GABBR2: variants seen among roughly 807,000 people sequenced by gnomAD.
The protein encoded by GABBR2 is gamma-aminobutyric acid type B receptor subunit 2.
GABBR2 carries 23 observed loss-of-function variants against 105.6 expected under a neutral mutation model. That is an observed-to-expected ratio of 0.22 (90% CI 0.16 to 0.31). The LOEUF (loss-of-function observed/expected upper bound fraction) is 0.31, where lower values mean the gene tolerates loss of function less well. Ranked by LOEUF, GABBR2 falls within the 10% of genes least tolerant of loss-of-function variation. GABBR2 has a pLI of 1.00. For missense variants in GABBR2, 734 were observed against 1,245.5 expected (o/e 0.59, Z 6.18); for synonymous variants, 478 against 499.7 (o/e 0.96, Z 0.58).
At chr9:98,667,074 C>T (rs180909203) in intron 1 of GABBR2, among the ~76,000 whole-genome samples, 97 of 152,260 alleles carry the variant, frequency 6.4e-4, no homozygotes, top group Admixed American at 2.8e-3. Context: ...GGACCAGGGG[C>T]TCAGGGTCCT....
At chr9:98,693,759 C>T (rs958672148) in intron 1 of GABBR2, among the ~76,000 whole-genome samples, 7 of 152,370 alleles carry the variant, frequency 4.6e-5, no homozygotes, top group Admixed American at 4.6e-4. Context: ...CATATGAAAG[C>T]AGCCATGCAG....
chr9:98,565,479 G>A (rs539066418), intron 2 of GABBR2, among the ~76,000 whole-genome samples: 1 of 152,266 alleles, frequency 6.6e-6, no homozygotes, highest in South Asian at 2.1e-4. Flanking sequence ...AGGTTATCAA[G>A]GCCCATCAAC....
At chr9:98,323,289 A>G (rs189328871) in intron 13 of GABBR2, among the ~76,000 whole-genome samples, 1 of 152,358 alleles carries the variant, frequency 6.6e-6, no homozygotes, top group African/African-American at 2.4e-5. Context: ...TGGATAGGCC[A>G]GGCACTGCCA....
intron 7 of GABBR2, among the ~76,000 whole-genome samples, chr9:98,451,258 A>C (rs914978714): frequency 1.3e-5 from 2 of 152,168 alleles, no homozygotes. Flanking sequence ...TGTTCAACTG[A>C]GAAGCTCTTC....
chr9:98,640,900 A>T (rs1829951439), intron 1 of GABBR2, among the ~76,000 whole-genome samples: 1 of 152,158 alleles, frequency 6.6e-6, no homozygotes, highest in African/African-American at 2.4e-5. Flanking sequence ...AACAGACTGA[A>T]TATGGCTGAG....
chr9:98,589,882 A>AT (rs1185269996), intron 1 of GABBR2, among the ~76,000 whole-genome samples: 2 of 151,714 alleles, frequency 1.3e-5, no homozygotes, highest in African/African-American at 4.8e-5. Flanking sequence ...CACCACACTA[A>AT]TTTTTTAATT....
At chr9:98,400,432 G>C (rs1178354987) in intron 8 of GABBR2, among the ~76,000 whole-genome samples, 2 of 152,192 alleles carry the variant, frequency 1.3e-5, no homozygotes, top group Non-Finnish European at 2.9e-5. Flanking sequence ...AGTGGGTGTG[G>C]ATATGGGCAA....
At chr9:98,478,613 G>A (rs1826845037) in intron 5 of GABBR2, among the ~76,000 whole-genome samples, 1 of 152,198 alleles carries the variant, frequency 6.6e-6, no homozygotes, top group South Asian at 2.1e-4. Context: ...CATGTGGAAG[G>A]CAGACAAGCC....
Position 98,430,039 on chromosome 9 carries a change from C to A in GABBR2, c.1237-23898G>T, listed in dbSNP as rs756143032. ...TGGTGGCTCATGCCTGTAATCCCAG[C>A]CCTTTGGGAGGCCGAGGCGGGTGGA... On this transcript the variant is annotated intron_variant, in intron 7 of 18. Transcript: ENST00000259455. Among the ~76,000 whole-genome samples, 129 of 152,140 alleles carry A rather than the reference C, an allele frequency of 8.5e-4. 1 individual carries two copies. The highest frequency in any genetic ancestry group is 5.9e-4 in the Non-Finnish European group (40 of 68,018).
At chr9:98,608,427 T>G (rs1291111923) in intron 1 of GABBR2, among the ~76,000 whole-genome samples, 1 of 152,240 alleles carries the variant, frequency 6.6e-6, no homozygotes, top group Non-Finnish European at 1.5e-5. Flanking sequence ...TACTGTTGTA[T>G]AATCATGTTC....
chr9:98,629,506 C>A (rs1181275089), intron 1 of GABBR2, among the ~76,000 whole-genome samples: 1 of 152,216 alleles, frequency 6.6e-6, no homozygotes, highest in South Asian at 2.1e-4. Context: ...CCTCCAATAG[C>A]TTCAACATTC....
chr9:98,549,456 T>A (rs935374501), intron 2 of GABBR2, among the ~76,000 whole-genome samples: 1 of 152,256 alleles, frequency 6.6e-6, no homozygotes, highest in South Asian at 2.1e-4. Context: ...AAATTTAGTC[T>A]GACTTAACCA....
intron 3 of GABBR2, among the ~76,000 whole-genome samples, chr9:98,523,482 G>C (rs1047529808): frequency 1.3e-5 from 2 of 152,198 alleles, no homozygotes; most frequent in East Asian, 3.8e-4. Flanking sequence ...TTAAGAAGGA[G>C]GATAAACGTG....
At chr9:98,507,676 C>G (rs1827541390) in intron 3 of GABBR2, among the ~76,000 whole-genome samples, 1 of 152,220 alleles carries the variant, frequency 6.6e-6, no homozygotes, top group Non-Finnish European at 1.5e-5. Flanking sequence ...TGCCAACATG[C>G]TGTTTGAAGC....
At chr9:98,496,906 A>G (rs1231299611) in intron 3 of GABBR2, among the ~76,000 whole-genome samples, 4 of 152,208 alleles carry the variant, frequency 2.6e-5, no homozygotes, top group African/African-American at 9.6e-5. Flanking sequence ...TTTTATGGTG[A>G]GGAAATAGCT....
chr9:98,672,795 G>T (rs747864626), intron 1 of GABBR2, among the ~76,000 whole-genome samples: 1 of 152,092 alleles, frequency 6.6e-6, no homozygotes, highest in African/African-American at 2.4e-5. Flanking sequence ...TAATAATTTC[G>T]GGCACTTGAT....
In GABBR2 at chr9:98,371,456, G is replaced by C; in HGVS notation, c.1770+8C>G. 1 of 1,372,012 alleles carries C rather than the reference G, an allele frequency of 7.3e-7. No homozygotes were observed. The highest frequency in any genetic ancestry group is 1.7e-5 in the Admixed American group (1 of 59,730). 85.0% of individuals were successfully genotyped at this position (1,372,012 alleles called of 1,614,324 possible). A position where few individuals can be genotyped will look rare whatever the true frequency, so the allele number is the denominator to read the frequency against. On this transcript the variant is annotated splice_region_variant and intron_variant, in intron 12 of 18. Transcript: ENST00000259455. ...ACTAATACCCTGAAACAGAAGGAGA[G>C]TGATTACCTTCTTCTTCATTTTCAC...
Position 98,288,492 on chromosome 9 carries a change from CTTTTG to C in GABBR2, c.*2087_*2091del, listed in dbSNP as rs1264978734. 1 of 152,582 alleles carries C rather than the reference CTTTTG, an allele frequency of 6.6e-6. No homozygotes were observed. Among genetic ancestry groups the C allele is most frequent in the Non-Finnish European group, 1.5e-5 (1 of 68,042 alleles). The allele number at this position is 152,582 out of a possible 1,614,324, so 9.5% of individuals were successfully genotyped here. A position where few individuals can be genotyped will look rare whatever the true frequency, so the allele number is the denominator to read the frequency against. On this transcript the variant is annotated 3_prime_UTR_variant, in exon 19 of 19. Coordinates refer to ENST00000259455, the MANE Select transcript of GABBR2 (RefSeq NM_005458.8). The stretch of plus-strand genomic sequence containing the variant: ...CAGGCTCACCTCCGACAGTCCAATA[CTTTTG>C]TTTGTTTTCCTGCTATGCTGGAATA...
At position 98,496,490 on chromosome 9, in the gene GABBR2, G is replaced by C; in HGVS notation, c.655C>G (p.Leu219Val). 2 of 1,612,698 alleles carry C rather than the reference G, an allele frequency of 1.2e-6. No homozygotes were observed. The highest frequency in any genetic ancestry group is 1.7e-6 in the Non-Finnish European group (2 of 1,178,928). The change falls in exon 4 of 19, where the codon CTG (leucine) becomes GTG (valine). Residue 219 changes from leucine to valine, a missense_variant. Leu to Val is a conservative substitution (Grantham distance 32). Coordinates refer to ENST00000259455, the MANE Select transcript of GABBR2 (RefSeq NM_005458.8). ...SEVRNDLTGV[L>V]YGEDIEISDT... Reference sequence around the variant, plus strand: ...GAAATCTCAATGTCCTCGCCATACAGAACTCCAGTCAGGTCATTCCGCACC... The same window carrying C: ...GAAATCTCAATGTCCTCGCCATACACAACTCCAGTCAGGTCATTCCGCACC...
Sources: gnomAD v4.1 joint callset for allele counts (sites outside exome capture counted in the v4.1 genomes callset) on GRCh38, gnomAD v4.1.1 for gene constraint, MANE v1.5 for transcripts, NCBI Gene and HGNC (gene_info 2026-07-23, HGNC 2026-07-21) for gene names.